IDE: variants seen among roughly 807,000 people sequenced by gnomAD.
The protein encoded by IDE is insulin-degrading enzyme.
IDE carries 58 observed loss-of-function variants against 133.2 expected under a neutral mutation model. That is an observed-to-expected ratio of 0.44 (90% CI 0.35 to 0.54). The LOEUF (loss-of-function observed/expected upper bound fraction) is 0.54, where lower values mean the gene tolerates loss of function less well. IDE is among the 20% of genes least tolerant of loss of function. The pLI, the probability that IDE is intolerant of heterozygous loss-of-function variation, is 0.00. For synonymous variants in IDE, 396 were observed against 421.3 expected, an observed-to-expected ratio of 0.94 and a Z score of 0.73; for missense variants, 981 against 1,234.0, an observed-to-expected ratio of 0.79 and a Z score of 3.07.
At position 92,506,466 on chromosome 10, in the gene IDE, T is replaced by C. The variant is rs113112600; in HGVS notation, c.1302A>G (p.Thr434=). 67 of 1,582,760 alleles carry C rather than the reference T, an allele frequency of 4.2e-5. No homozygotes were observed. Among genetic ancestry groups the C allele is most frequent in the Non-Finnish European group, 5.6e-5 (65 of 1,154,214 alleles). ...CATGCAATATTCCTGCAATCTTAGA[T>C]GTATAGCCCCGTGGCCTCTCTTTGT... The part of the protein sequence containing the change: ...FKDKERPRGY[T]SKIAGILHYY... Residue 434 remains threonine, a synonymous_variant, in exon 10 of 25, where the codon ACA becomes ACG. Transcript: ENST00000265986.
At chr10:92,484,645 A>G (rs1194827684) in intron 13 of IDE, among the ~76,000 whole-genome samples, 1 of 151,412 alleles carries the variant, frequency 6.6e-6, no homozygotes, top group Non-Finnish European at 1.5e-5. Context: ...AGGCATGAGA[A>G]TAGCTTGAAC....
At chr10:92,485,695 C>A (rs1846951443) in intron 13 of IDE, among the ~76,000 whole-genome samples, 1 of 152,140 alleles carries the variant, frequency 6.6e-6, no homozygotes, top group Non-Finnish European at 1.5e-5. Flanking sequence ...ATAATTCCAG[C>A]TACTTGAGAG....
At chr10:92,499,658 C>G (rs1847904119) in intron 11 of IDE, among the ~76,000 whole-genome samples, 1 of 152,146 alleles carries the variant, frequency 6.6e-6, no homozygotes. Flanking sequence ...TCTCGAACTC[C>G]TGAGCTCAAG....
chr10:92,537,161 C>A (rs1229635517), intron 2 of IDE, among the ~76,000 whole-genome samples: 1 of 151,542 alleles, frequency 6.6e-6, no homozygotes, highest in Admixed American at 6.6e-5. Context: ...TAGGTGGGAA[C>A]CTAACAAGAT....
chr10:92,489,699 T>C (rs889208355), intron 12 of IDE, among the ~76,000 whole-genome samples: 2 of 152,214 alleles, frequency 1.3e-5, no homozygotes, highest in African/African-American at 4.8e-5. Flanking sequence ...AGGGCTTCAA[T>C]GATCTTCTGT....
chr10:92,457,846 T>C (rs1054479580), intron 22 of IDE, among the ~76,000 whole-genome samples: 1 of 152,040 alleles, frequency 6.6e-6, no homozygotes, highest in Non-Finnish European at 1.5e-5. Flanking sequence ...CCCACTCTAC[T>C]CCCTGCCAGC....
chr10:92,535,598 C>T (rs1449103756), intron 2 of IDE, among the ~76,000 whole-genome samples: 2 of 152,218 alleles, frequency 1.3e-5, no homozygotes, highest in African/African-American at 4.8e-5. Flanking sequence ...ATATGCAAAT[C>T]ACCCTGGTAG....
chr10:92,566,593 G>C (rs1357208058), intron 1 of IDE, among the ~76,000 whole-genome samples: 1 of 151,910 alleles, frequency 6.6e-6, no homozygotes, highest in Non-Finnish European at 1.5e-5. Flanking sequence ...AGAGTAGAAG[G>C]ATGGTTACTA....
intron 1 of IDE, among the ~76,000 whole-genome samples, chr10:92,557,307 G>A (rs377507845): frequency 6.6e-6 from 1 of 150,538 alleles, no homozygotes. Context: ...GAGGCCGAGG[G>A]GGGTGGATCA....
chr10:92,564,732 A>G (rs1589552580), intron 1 of IDE, among the ~76,000 whole-genome samples: 1 of 143,480 alleles, frequency 7.0e-6, no homozygotes, highest in Non-Finnish European at 1.5e-5. Context: ...CTAAATGTCC[A>G]TAGGACCATA....
At chr10:92,522,480 A>G (rs1414534736) in intron 4 of IDE, among the ~76,000 whole-genome samples, 3 of 152,004 alleles carry the variant, frequency 2.0e-5, no homozygotes, top group Non-Finnish European at 4.4e-5. Context: ...TCCTCTCTGT[A>G]CTCCCTGCAA....
At chr10:92,568,394 GA>G (rs1468300341) in intron 1 of IDE, among the ~76,000 whole-genome samples, 1 of 152,018 alleles carries the variant, frequency 6.6e-6, no homozygotes, top group Non-Finnish European at 1.5e-5. Context: ...AAGTAACTCA[GA>G]AAAGTTTGCA....
chr10:92,484,672 G>A (rs1391600933), intron 13 of IDE, among the ~76,000 whole-genome samples: 1 of 152,050 alleles, frequency 6.6e-6, no homozygotes, highest in Non-Finnish European at 1.5e-5. Flanking sequence ...GGCAGAGGTT[G>A]CAGTGAGCTG....
At chr10:92,454,579 A>C in intron 24 of IDE, 40 bp from the exon 25 acceptor site, 1 of 1,436,868 alleles carries the variant, frequency 7.0e-7, no homozygotes, top group Non-Finnish European at 9.8e-7. Flanking sequence ...ATTTAACCTA[A>C]ACATCAGAAT....
chr10:92,479,280 C>G lies in IDE; in HGVS notation c.1881G>C (p.Met627Ile). ...SYDLQNTIYG[M>I]YLSVKGYNDK... ...GCTCTAAGGCGTGGGTACTTACATA[C>G]ATCCCATAGATGGTATTTTGGAGAT... Residue 627 changes from methionine (M) to isoleucine (I), a missense_variant, in exon 15 of 25, where the codon ATG (methionine) becomes ATC (isoleucine). Physicochemically the swap from Met to Ile is conservative, Grantham distance 10. Coordinates refer to ENST00000265986, the MANE Select transcript of IDE (RefSeq NM_004969.4). The G allele has an allele frequency of 6.2e-7, 1 of 1,606,842 alleles. No homozygotes were observed. The highest frequency in any genetic ancestry group is 8.5e-7 in the Non-Finnish European group (1 of 1,174,028).
At chr10:92,464,917 G>A (rs1046045341) in intron 20 of IDE, among the ~76,000 whole-genome samples, 2 of 152,158 alleles carry the variant, frequency 1.3e-5, no homozygotes, top group African/African-American at 4.8e-5. Flanking sequence ...TGATCCACCC[G>A]CCGCAGCCTC....
chr10:92,481,593 T>C (rs2135418152), intron 14 of IDE, among the ~76,000 whole-genome samples: 1 of 152,340 alleles, frequency 6.6e-6, no homozygotes. Flanking sequence ...CCAGATACTA[T>C]ATGCTTAAAT....
intron 11 of IDE, among the ~76,000 whole-genome samples, chr10:92,504,059 G>A (rs945204086): frequency 6.6e-6 from 1 of 151,286 alleles, no homozygotes; most frequent in East Asian, 1.9e-4. Context: ...CTATCACATT[G>A]TTGATCTTAT....
rs1849737631 is a variant in IDE, at chr10:92,528,366, ACTGT to A, written c.661+3378_661+3381del. On this transcript the variant is annotated intron_variant, in intron 4 of 24. Coordinates refer to ENST00000265986, the MANE Select transcript of IDE (RefSeq NM_004969.4). The stretch of plus-strand genomic sequence containing the variant: ...GTGTTTTATCCAATGCTCAGAGTCT[ACTGT>A]CTATCACTTTGGACTACTAAAACTG... 2.6e-5 allele frequency among the ~76,000 whole-genome samples: 4 copies of A among 152,184 alleles called. No individual in the cohort carries two copies. The South Asian group carries it at 8.3e-4, about 32-fold the overall frequency.
Sources: gnomAD v4.1 joint callset for allele counts (sites outside exome capture counted in the v4.1 genomes callset) on GRCh38, gnomAD v4.1.1 for gene constraint, MANE v1.5 for transcripts, NCBI Gene and HGNC (gene_info 2026-07-23, HGNC 2026-07-21) for gene names.